Variants in SLC22A13 observed in about 807,000 individuals in gnomAD.
SLC22A13 encodes organic anion transporter 10.
In SLC22A13, 42 loss-of-function variants were observed where a neutral mutation model predicts 49.1. That is an observed-to-expected ratio of 0.85 (90% CI 0.67 to 1.11). The LOEUF (loss-of-function observed/expected upper bound fraction) is 1.11. Ranked by LOEUF, SLC22A13 falls within the 50% of genes least tolerant of loss-of-function variation. The probability of loss-of-function intolerance (pLI) is 0.00; values close to 1 mark genes in which losing one functional copy is unlikely to be tolerated. For missense variants in SLC22A13, 694 were observed against 712.8 expected (o/e 0.97, Z 0.30); for synonymous variants, 282 against 293.1 (o/e 0.96, Z 0.39).
intron 8 of SLC22A13, 105 bp from the exon 9 acceptor site, chr3:38,276,807 C>A: frequency 1.0e-6 from 1 of 992,398 alleles, no homozygotes; most frequent in Non-Finnish European, 1.5e-6. Context: ...GCTGGAGACC[C>A]TGCAGACCTT....
At chr3:38,267,715 G>A (rs931723549) in intron 1 of SLC22A13, among the ~76,000 whole-genome samples, 14 of 152,192 alleles carry the variant, frequency 9.2e-5, no homozygotes, top group Non-Finnish European at 1.8e-4. Context: ...CCCTTGCAGA[G>A]GAATAAAGGG....
At chr3:38,269,580 C>T (rs933445357) in intron 1 of SLC22A13, among the ~76,000 whole-genome samples, 11 of 152,204 alleles carry the variant, frequency 7.2e-5, no homozygotes, top group African/African-American at 2.6e-4. Flanking sequence ...CTTAGTTTGA[C>T]TTAAACCTTG....
In SLC22A13 at chr3:38,278,686, G is replaced by A. The variant is rs1703613844; in HGVS notation, c.*1221G>A. 6.6e-6 allele frequency among the ~76,000 whole-genome samples: 1 copy of A among 152,044 alleles called. No individual in the cohort carries two copies. The highest frequency in any genetic ancestry group is 1.5e-5 in the Non-Finnish European group (1 of 67,990). On this transcript the variant is annotated 3_prime_UTR_variant, in exon 10 of 10. Transcript: ENST00000311856. ...AATACAAAAATTAGCCCTATATGGT[G>A]GTGCATGCCTGTAATCCCAGCTACT...
Position 38,265,856 on chromosome 3 carries a change from C to CATGT in SLC22A13, c.-3_-2insGTAT. The CATGT allele has an allele frequency of 6.2e-7, 1 of 1,613,578 alleles. No homozygotes were observed. Among genetic ancestry groups the CATGT allele is most frequent in the South Asian group, 1.1e-5 (1 of 91,006 alleles). On this transcript the variant is annotated 5_prime_UTR_variant, in exon 1 of 10. It adds an upstream start codon to the 5' untranslated region. Transcript: ENST00000311856. ...CCCAGGCTGAGGAGGTAGTGACTGG[C>CATGT]ATACATGGCTCAGTTTGTCCAGGTC...
In SLC22A13 at chr3:38,277,668, C is replaced by CTACA; in HGVS notation, c.*203_*204insTACA. 1 of 507,492 alleles carries CTACA rather than the reference C, an allele frequency of 2.0e-6. No individual in the cohort carries two copies. The highest frequency in any genetic ancestry group is 3.4e-5 in the Admixed American group (1 of 29,470). The allele number at this position is 507,492 out of a possible 1,614,324, so 31.4% of individuals were successfully genotyped here. A position where few individuals can be genotyped will look rare whatever the true frequency, so the allele number is the denominator to read the frequency against. On this transcript the variant is annotated 3_prime_UTR_variant, in exon 10 of 10. Coordinates refer to ENST00000311856, the MANE Select transcript of SLC22A13 (RefSeq NM_004256.4). ...CATCTGAGACAGGACCTCCCGGCCT[C>CTACA]CTTCACCTTTCTCATCTCCAGAGCC... is the stretch of plus-strand genomic sequence containing the variant.
In SLC22A13 at chr3:38,278,385, C is replaced by T. The variant is rs1461883140; in HGVS notation, c.*920C>T. ...CCATCTTCTTGGGCTTCTCAGAGAT[C>T]TTCTCAGGCCTTGGTATTGTTCCTT... is the stretch of plus-strand genomic sequence containing the variant. On this transcript the variant is annotated 3_prime_UTR_variant, in exon 10 of 10. Coordinates refer to ENST00000311856, the MANE Select transcript of SLC22A13 (RefSeq NM_004256.4). 6.6e-6 allele frequency: 1 copy of T among 152,320 alleles called. No individual in the cohort carries two copies. The highest frequency in any genetic ancestry group is 1.5e-5 in the Non-Finnish European group (1 of 68,132). The allele number at this position is 152,320 out of a possible 1,614,324, so 9.4% of individuals were successfully genotyped here.
chr3:38,277,555 AG>A lies in SLC22A13; in HGVS notation c.*91del. 2 of 941,708 alleles carry A rather than the reference AG, an allele frequency of 2.1e-6. No individual in the cohort carries two copies. The highest frequency in any genetic ancestry group is 5.0e-5 in the East Asian group (2 of 39,920). The allele number at this position is 941,708 out of a possible 1,614,324, so 58.3% of individuals were successfully genotyped here. A position where few individuals can be genotyped will look rare whatever the true frequency, so the allele number is the denominator to read the frequency against. On this transcript the variant is annotated 3_prime_UTR_variant, in exon 10 of 10. Transcript: ENST00000311856. ...CCAGGACCCACAGGGACACAGGGCA[AG>A]ACCAGCCTTGCTTATGGAGGCAGGA...
At chr3:38,274,421 C>T in intron 2 of SLC22A13, 46 bp downstream of exon 2, 1 of 1,545,402 alleles carries the variant, frequency 6.5e-7, no homozygotes, top group Non-Finnish European at 8.9e-7. Flanking sequence ...AGCTCGTCAG[C>T]TCTGGCACAG....
Position 38,274,772 on chromosome 3 carries a change from C to T in SLC22A13, c.637+14C>T. 6.2e-7 allele frequency: 1 copy of T among 1,609,236 alleles called. No homozygotes were observed. The highest frequency in any genetic ancestry group is 8.5e-7 in the Non-Finnish European group (1 of 1,177,206). ...ATGTCACCCTACGTGAGTGTCTGGG[C>T]CCTGGAGCCTTCAGCCATAGGGTGA... On this transcript the variant is annotated intron_variant, in intron 3 of 9. Coordinates refer to ENST00000311856, the MANE Select transcript of SLC22A13 (RefSeq NM_004256.4).
chr3:38,274,442 C>A, intron 2 of SLC22A13, 67 bp downstream of exon 2: 1 of 1,454,044 alleles, frequency 6.9e-7, no homozygotes, highest in Non-Finnish European at 9.7e-7. Flanking sequence ...GCCCAAGTCC[C>A]CCTTATGCCC....
At chr3:38,266,643 T>C (rs1233498988) in intron 1 of SLC22A13, among the ~76,000 whole-genome samples, 1 of 152,148 alleles carries the variant, frequency 6.6e-6, no homozygotes, top group Non-Finnish European at 1.5e-5. Flanking sequence ...GTTCCTATTT[T>C]CCTAACCCTC....
intron 1 of SLC22A13, among the ~76,000 whole-genome samples, chr3:38,272,588 TAGACAAAAACCAAAC>T (rs1345467854): frequency 2.6e-5 from 4 of 152,224 alleles, no homozygotes; most frequent in African/African-American, 9.6e-5. Context: ...CTGTGGCTGC[TAGACAAAAACCAAAC>T]AGGATAGAAC....
chr3:38,267,230 T>A (rs1418193488), intron 1 of SLC22A13, among the ~76,000 whole-genome samples: 1 of 152,210 alleles, frequency 6.6e-6, no homozygotes, highest in African/African-American at 2.4e-5. Context: ...ACTTTCACTT[T>A]TTAATGTGTG....
rs766563680 is a variant in SLC22A13, at chr3:38,277,614, G to A, written c.*149G>A. The A allele has an allele frequency of 3.8e-5, 22 of 574,892 alleles. No homozygotes were observed. Among genetic ancestry groups the A allele is most frequent in the Non-Finnish European group, 6.2e-5 (20 of 323,570 alleles). The allele number at this position is 574,892 out of a possible 1,614,324, so 35.6% of individuals were successfully genotyped here. The stretch of plus-strand genomic sequence containing the variant: ...ATCTGGCCCATGGCTGTCACCTCCT[G>A]CCGAGTCCAATCCCAGACTGGGAAC... On this transcript the variant is annotated 3_prime_UTR_variant, in exon 10 of 10. Transcript: ENST00000311856.
intron 1 of SLC22A13, among the ~76,000 whole-genome samples, chr3:38,271,980 G>T (rs1381800008): frequency 6.6e-6 from 1 of 152,176 alleles, no homozygotes; most frequent in Non-Finnish European, 1.5e-5. Flanking sequence ...GGGCTGGGGA[G>T]GATGACTGGC....
rs1001314173 is a variant in SLC22A13 at position 38,277,623 on chromosome 3, A to G, written c.*158A>G. On this transcript the variant is annotated 3_prime_UTR_variant, in exon 10 of 10. Transcript: ENST00000311856. Reference sequence around the variant, plus strand: ...ATGGCTGTCACCTCCTGCCGAGTCCAATCCCAGACTGGGAACCACCATCTG... The same window carrying G: ...ATGGCTGTCACCTCCTGCCGAGTCCGATCCCAGACTGGGAACCACCATCTG... 3.6e-6 allele frequency: 2 copies of G among 556,022 alleles called. No homozygotes were observed. Among genetic ancestry groups the G allele is most frequent in the Non-Finnish European group, 6.4e-6 (2 of 311,498 alleles). 34.4% of individuals were successfully genotyped at this position (556,022 alleles called of 1,614,324 possible). A position where few individuals can be genotyped will look rare whatever the true frequency, so the allele number is the denominator to read the frequency against.
intron 1 of SLC22A13, among the ~76,000 whole-genome samples, chr3:38,271,209 T>C (rs1703516306): frequency 6.6e-6 from 1 of 152,226 alleles, no homozygotes; most frequent in African/African-American, 2.4e-5. Context: ...TGTGTGCTCT[T>C]GAAGGTCAGA....
At chr3:38,267,577 C>T (rs1338136707) in intron 1 of SLC22A13, among the ~76,000 whole-genome samples, 1 of 152,164 alleles carries the variant, frequency 6.6e-6, no homozygotes, top group African/African-American at 2.4e-5. Context: ...TACTCTAGGC[C>T]TTCTTCACAC....
Position 38,266,206 on chromosome 3 carries a change from C to A in SLC22A13, c.346C>A (p.Pro116Thr). ...GCCTTGTGATATGGGCTGGGAATAT[C>A]CTGAGAACAGGCTCCCATCCCTGAA... ...TQPCDMGWEY[P>T]ENRLPSLKNE... The change falls in exon 1 of 10, where the codon CCT becomes ACT. Residue 116 changes from proline (P) to threonine (T), a missense_variant. By Grantham distance (38) the Pro-to-Thr change is conservative. Coordinates refer to ENST00000311856, the MANE Select transcript of SLC22A13 (RefSeq NM_004256.4). The A allele has an allele frequency of 6.2e-7, 1 of 1,614,188 alleles. No individual in the cohort carries two copies. Among genetic ancestry groups the A allele is most frequent in the Non-Finnish European group, 8.5e-7 (1 of 1,180,018 alleles).
Sources: allele counts gnomAD v4.1 joint callset (sites outside exome capture counted in the v4.1 genomes callset), GRCh38; gene constraint gnomAD v4.1.1; transcripts MANE v1.5; gene names NCBI Gene and HGNC (gene_info 2026-07-23, HGNC 2026-07-21).